Variants in HYCC1 observed in about 807,000 individuals in gnomAD.
HYCC1 encodes the protein hyccin PI4KA lipid kinase complex subunit 1.
At chr7:22,917,482 C>G in the HYCC1 span, among the ~76,000 whole-genome samples, 1 of 152,152 alleles carries the variant, frequency 6.6e-6, no homozygotes, top group African/African-American at 2.4e-5. Context: ...GGGATTTGCC[C>G]CTGTCCAGGA....
the HYCC1 span, among the ~76,000 whole-genome samples, chr7:22,968,329 G>T: frequency 1.3e-5 from 2 of 152,234 alleles, no homozygotes; most frequent in African/African-American, 4.8e-5. Context: ...CCCACTTGCA[G>T]GATAGAAGGC....
At chr7:22,989,724 G>A in the HYCC1 span, among the ~76,000 whole-genome samples, 468 of 152,246 alleles carry the variant, frequency 3.1e-3, 1 homozygote, top group Non-Finnish European at 5.2e-3. Flanking sequence ...ATGACTTGGG[G>A]AATCCATAGA....
chr7:22,965,964 G>A, the HYCC1 span, among the ~76,000 whole-genome samples: 4 of 152,102 alleles, frequency 2.6e-5, no homozygotes, highest in East Asian at 1.9e-4. Context: ...AAGCTAAGGA[G>A]CATTTATTAT....
At chr7:22,964,512 G>A in the HYCC1 span, 3 of 1,600,266 alleles carry the variant, frequency 1.9e-6, no homozygotes, top group African/African-American at 2.7e-5. Flanking sequence ...TGTTGTCGAG[G>A]ATATCCACAA....
the HYCC1 span, among the ~76,000 whole-genome samples, chr7:22,962,562 T>A: frequency 2.6e-4 from 38 of 146,692 alleles, no homozygotes; most frequent in Non-Finnish European, 1.5e-5. Context: ...GAAGACCAAT[T>A]CGGCTCTGAG....
the HYCC1 span, among the ~76,000 whole-genome samples, chr7:22,898,098 G>A: frequency 6.6e-6 from 1 of 151,670 alleles, no homozygotes; most frequent in South Asian, 2.1e-4. Context: ...CCAGGCTGGA[G>A]TGCAGTGCAT....
At chr7:22,976,577 C>A in the HYCC1 span, 1 of 740,914 alleles carries the variant, frequency 1.3e-6, no homozygotes. Flanking sequence ...TAAAATGACT[C>A]AGTATTCAAA....
At chr7:22,896,459 G>A in the HYCC1 span, among the ~76,000 whole-genome samples, 1 of 152,180 alleles carries the variant, frequency 6.6e-6, no homozygotes, top group African/African-American at 2.4e-5. Context: ...TCCTACATAT[G>A]ACAATTAGAC....
chr7:22,958,474 G>A, the HYCC1 span, among the ~76,000 whole-genome samples: 1 of 152,072 alleles, frequency 6.6e-6, no homozygotes, highest in African/African-American at 2.4e-5. Context: ...TTTCCCAAGT[G>A]TTAGAATTGT....
the HYCC1 span, among the ~76,000 whole-genome samples, chr7:22,917,250 A>C: frequency 6.6e-6 from 1 of 152,186 alleles, no homozygotes; most frequent in Non-Finnish European, 1.5e-5. Flanking sequence ...TTGAACAAGG[A>C]AAATATCTCC....
chr7:22,930,561 T>A, the HYCC1 span, among the ~76,000 whole-genome samples: 1 of 151,918 alleles, frequency 6.6e-6, no homozygotes, highest in Non-Finnish European at 1.5e-5. Context: ...GAATAATTCA[T>A]AACAATACCC....
the HYCC1 span, among the ~76,000 whole-genome samples, chr7:22,973,128 T>C: frequency 6.6e-6 from 1 of 152,216 alleles, no homozygotes; most frequent in South Asian, 2.1e-4. Flanking sequence ...ATGGCCCATG[T>C]AACAGCAGGA....
At chr7:22,972,497 A>C in the HYCC1 span, among the ~76,000 whole-genome samples, 5 of 152,198 alleles carry the variant, frequency 3.3e-5, no homozygotes, top group African/African-American at 1.2e-4. Flanking sequence ...TTTCATTCTT[A>C]ATATTTATAT....
chr7:22,975,449 T>C, the HYCC1 span, among the ~76,000 whole-genome samples: 2 of 152,190 alleles, frequency 1.3e-5, no homozygotes, highest in Non-Finnish European at 2.9e-5. Context: ...GGATATAATT[T>C]ATTTTATAAC....
chr7:22,936,503 C>T, the HYCC1 span: 5 of 152,316 alleles, frequency 3.3e-5, no homozygotes, highest in South Asian at 8.3e-4. Flanking sequence ...TATTTAGCAC[C>T]TCCTTCACCA....
At chr7:22,908,977 TTGA>T in the HYCC1 span, among the ~76,000 whole-genome samples, 3 of 152,142 alleles carry the variant, frequency 2.0e-5, no homozygotes, top group Non-Finnish European at 4.4e-5. Flanking sequence ...GCTTTCCTGG[TTGA>T]TAATACTCTA....
chr7:22,958,071 T>C, the HYCC1 span, among the ~76,000 whole-genome samples: 1 of 151,978 alleles, frequency 6.6e-6, no homozygotes, highest in Admixed American at 6.6e-5. Flanking sequence ...TGTCTATATA[T>C]CTAAGAAGTA....
the HYCC1 span, among the ~76,000 whole-genome samples, chr7:22,950,989 C>A: frequency 1.3e-5 from 2 of 151,452 alleles, no homozygotes; most frequent in Non-Finnish European, 3.0e-5. Flanking sequence ...ATTTGTGTAA[C>A]CCCCTATATG....
At chr7:22,900,843 C>T in the HYCC1 span, among the ~76,000 whole-genome samples, 1 of 152,068 alleles carries the variant, frequency 6.6e-6, no homozygotes, top group Non-Finnish European at 1.5e-5. Context: ...AAAAGCAAGA[C>T]TCAACTATAT....
Sources: allele counts gnomAD v4.1 joint callset (sites outside exome capture counted in the v4.1 genomes callset), GRCh38; gene constraint gnomAD v4.1.1; transcripts MANE v1.5; gene names NCBI Gene and HGNC (gene_info 2026-07-23, HGNC 2026-07-21).